Variants in PCGF6 observed in about 807,000 individuals in gnomAD.
The protein encoded by PCGF6 is polycomb group RING finger protein 6.
A neutral mutation model predicts 45.5 loss-of-function variants in PCGF6; 24 were observed. The ratio of observed to expected loss-of-function variants is 0.53; its 90% CI spans 0.38 to 0.74. PCGF6 has a LOEUF of 0.74. Among genes scored for constraint, PCGF6 ranks in the 30% least tolerant of loss-of-function variants. The probability of loss-of-function intolerance (pLI) is 0.00; values close to 1 mark genes in which losing one functional copy is unlikely to be tolerated. For synonymous variants in PCGF6, 152 were observed against 162.1 expected, an observed-to-expected ratio of 0.94 and a Z score of 0.47; for missense variants, 356 against 443.2, an observed-to-expected ratio of 0.80 and a Z score of 1.77.
chr10:103,306,265 T>C (rs1481500183), intron 9 of PCGF6, among the ~76,000 whole-genome samples: 1 of 152,046 alleles, frequency 6.6e-6, no homozygotes, highest in East Asian at 1.9e-4. Flanking sequence ...CCACCGCTAA[T>C]TTTTGTATTT....
intron 9 of PCGF6, among the ~76,000 whole-genome samples, chr10:103,306,948 AC>A (rs2133552036): frequency 6.6e-6 from 1 of 152,048 alleles, no homozygotes; most frequent in Non-Finnish European, 1.5e-5. Flanking sequence ...TACAAAAAAT[AC>A]AAAAATTAGC....
intron 7 of PCGF6, among the ~76,000 whole-genome samples, chr10:103,330,746 G>A (rs1277505921): frequency 6.6e-6 from 1 of 152,110 alleles, no homozygotes; most frequent in Non-Finnish European, 1.5e-5. Context: ...TGGCTAACAC[G>A]GTGAAACCCC....
At chr10:103,316,007 T>C (rs1173879739) in intron 8 of PCGF6, among the ~76,000 whole-genome samples, 3 of 128,034 alleles carry the variant, frequency 2.3e-5, no homozygotes, top group Admixed American at 8.2e-5. Flanking sequence ...TATATATATA[T>C]ATATATAGAG....
intron 6 of PCGF6, among the ~76,000 whole-genome samples, chr10:103,334,468 A>C (rs2093249834): frequency 6.6e-6 from 1 of 152,190 alleles, no homozygotes; most frequent in East Asian, 1.9e-4. Flanking sequence ...GAAAAAGTAT[A>C]TTCTTAAATA....
chr10:103,309,747 T>C (rs1303819123), intron 9 of PCGF6, among the ~76,000 whole-genome samples: 5 of 151,868 alleles, frequency 3.3e-5, no homozygotes, highest in African/African-American at 9.7e-5. Context: ...CTGGGCAACA[T>C]GGCAAAACCC....
chr10:103,322,985 G>A (rs1397955416), intron 8 of PCGF6, among the ~76,000 whole-genome samples: 1 of 151,308 alleles, frequency 6.6e-6, no homozygotes, highest in Non-Finnish European at 1.5e-5. Context: ...GTATTCTAGA[G>A]AGGGTCCTCC....
At position 103,333,610 on chromosome 10, in the gene PCGF6, T is replaced by G. The variant is rs551651373; in HGVS notation, c.810+315A>C. Among the ~76,000 whole-genome samples, 10 of 152,246 alleles carry G rather than the reference T, an allele frequency of 6.6e-5. No individual in the cohort carries two copies. In the East Asian group the frequency reaches 1.7e-3, roughly 26 times the overall value. On this transcript the variant is annotated intron_variant, in intron 7 of 9. Coordinates refer to ENST00000369847, the MANE Select transcript of PCGF6 (RefSeq NM_001011663.2). The stretch of plus-strand genomic sequence containing the variant: ...AATAACTTGAGCAAAAAATGTTACA[T>G]GCAAATAAAATTTTAAGCTCATATT...
chr10:103,311,896 C>T (rs1253433226), intron 9 of PCGF6, among the ~76,000 whole-genome samples: 3 of 148,386 alleles, frequency 2.0e-5, no homozygotes, highest in Non-Finnish European at 3.0e-5. Flanking sequence ...TGAGATTAGC[C>T]TCGCCAACAC....
At chr10:103,328,323 T>C (rs1327905853) in intron 7 of PCGF6, among the ~76,000 whole-genome samples, 1 of 152,182 alleles carries the variant, frequency 6.6e-6, no homozygotes, top group African/African-American at 2.4e-5. Flanking sequence ...AGTTTGTTCT[T>C]GAGAACTTTC....
At position 103,307,847 on chromosome 10, in the gene PCGF6, T is replaced by G. The variant is rs150316450; in HGVS notation, c.997-3886A>C. Among the ~76,000 whole-genome samples, 501 of 152,354 alleles carry G rather than the reference T, an allele frequency of 3.3e-3. 3 individuals are homozygous for G. Among genetic ancestry groups the G allele is most frequent in the African/African-American group, 0.012 (482 of 41,586 alleles). ...ATTTCTCAGAACATATCCCTATTGT[T>G]AAGTGACGCATAACTGCATATATAT... On this transcript the variant is annotated intron_variant, in intron 9 of 9. Transcript: ENST00000369847.
At chr10:103,338,095 G>C in intron 6 of PCGF6, among the ~76,000 whole-genome samples, 1 of 149,648 alleles carries the variant, frequency 6.7e-6, no homozygotes, top group African/African-American at 2.5e-5. Context: ...TACAAAATTA[G>C]CTGAGCATGG....
intron 5 of PCGF6, among the ~76,000 whole-genome samples, chr10:103,345,792 C>T (rs2093296787): frequency 6.6e-6 from 1 of 151,374 alleles, no homozygotes. Flanking sequence ...CATGCCACTG[C>T]ACTCCAGCCT....
At chr10:103,319,990 TAG>T (rs2093191046) in intron 8 of PCGF6, among the ~76,000 whole-genome samples, 1 of 152,026 alleles carries the variant, frequency 6.6e-6, no homozygotes, top group Non-Finnish European at 1.5e-5. Flanking sequence ...GTATTTTTAG[TAG>T]AGATGGGGTT....
At chr10:103,304,344 A>C (rs2093130008) in intron 9 of PCGF6, among the ~76,000 whole-genome samples, 1 of 149,732 alleles carries the variant, frequency 6.7e-6, no homozygotes, top group African/African-American at 2.5e-5. Context: ...GTATGTATAC[A>C]TTTATTTATT....
Position 103,338,741 on chromosome 10 carries a change from G to A in PCGF6, c.783-4789C>T, listed in dbSNP as rs536530757. The stretch of plus-strand genomic sequence containing the variant: ...AACTTAACCGGGCATGGTGGCACAC[G>A]CCTGTAATCCCAGCTACTTGGGAGG... On this transcript the variant is annotated intron_variant, in intron 6 of 9. Coordinates refer to ENST00000369847, the MANE Select transcript of PCGF6 (RefSeq NM_001011663.2). 5.9e-5 allele frequency among the ~76,000 whole-genome samples: 9 copies of A among 151,702 alleles called. No homozygotes were observed. The South Asian group carries it at 1.3e-3, about 21-fold the overall frequency.
At chr10:103,320,408 C>T (rs1280622834) in intron 8 of PCGF6, among the ~76,000 whole-genome samples, 2 of 152,190 alleles carry the variant, frequency 1.3e-5, no homozygotes, top group Non-Finnish European at 1.5e-5. Flanking sequence ...ACATGATGGC[C>T]GGGCGCGGTG....
chr10:103,332,760 A>G (rs540394850), intron 7 of PCGF6, among the ~76,000 whole-genome samples: 16 of 152,154 alleles, frequency 1.1e-4, no homozygotes, highest in Non-Finnish European at 2.1e-4. Flanking sequence ...AATTTCCTAA[A>G]GCTGAACACC....
chr10:103,323,591 G>A (rs1012818910), intron 8 of PCGF6, among the ~76,000 whole-genome samples: 4 of 149,504 alleles, frequency 2.7e-5, no homozygotes, highest in South Asian at 2.1e-4. Context: ...CACCGCGTCC[G>A]GCCCCTTTTC....
At chr10:103,317,043 C>A (rs559271203) in intron 8 of PCGF6, among the ~76,000 whole-genome samples, 11 of 152,116 alleles carry the variant, frequency 7.2e-5, no homozygotes, top group Non-Finnish European at 1.5e-4. Context: ...AAGAGTCTCA[C>A]TCTGTCGCCC....
Sources: gnomAD v4.1 joint callset for allele counts (sites outside exome capture counted in the v4.1 genomes callset) on GRCh38, gnomAD v4.1.1 for gene constraint, MANE v1.5 for transcripts, NCBI Gene and HGNC (gene_info 2026-07-23, HGNC 2026-07-21) for gene names.